IGFBP2: variants seen among roughly 807,000 people sequenced by gnomAD.
IGFBP2 encodes insulin like growth factor binding protein 2.
A neutral mutation model predicts 26.2 loss-of-function variants in IGFBP2; 12 were observed. That is an observed-to-expected ratio of 0.46 (90% CI 0.29 to 0.74). IGFBP2 has a LOEUF of 0.74. Among genes scored for constraint, IGFBP2 ranks in the 30% least tolerant of loss-of-function variants. The probability of loss-of-function intolerance (pLI) is 0.09; values close to 1 mark genes in which losing one functional copy is unlikely to be tolerated. For missense variants in IGFBP2, 328 were observed against 441.2 expected (o/e 0.74, Z 2.30); for synonymous variants, 189 against 200.6 (o/e 0.94, Z 0.49).
At chr2:216,656,097 A>G (rs959148904) in intron 1 of IGFBP2, among the ~76,000 whole-genome samples, 1 of 152,130 alleles carries the variant, frequency 6.6e-6, no homozygotes, top group African/African-American at 2.4e-5. Context: ...TTCAGGCCCG[A>G]ATGCACATTT....
chr2:216,661,859 C>A lies in IGFBP2; in HGVS notation c.674C>A (p.Thr225Asn), dbSNP rs765442396. The A allele has an allele frequency of 2.5e-6, 4 of 1,614,186 alleles. No individual in the cohort carries two copies. The highest frequency in any genetic ancestry group is 3.4e-6 in the Non-Finnish European group (4 of 1,180,030). Residue 225 changes from threonine (T) to asparagine (N), a missense_variant and splice_region_variant, in exon 3 of 4, where the codon ACT (threonine) becomes AAT (asparagine). Thr to Asn is a moderately conservative substitution (Grantham distance 65). Transcript: ENST00000233809. ...GTCCCCTGCTGTCTGTGCGTGCAGA[C>A]TCCCTGCCAACAGGAACTGGACCAG... is the stretch of plus-strand genomic sequence containing the variant. Reference protein sequence around the residue: ...PKKLRPPPARTPCQQELDQVL... With the variant: ...PKKLRPPPARNPCQQELDQVL...
intron 1 of IGFBP2, 60 bp from the exon 2 acceptor site, chr2:216,660,497 G>A: frequency 7.4e-7 from 1 of 1,352,462 alleles, no homozygotes; most frequent in Non-Finnish European, 1.0e-6. Context: ...GTGGCTCCCG[G>A]AGGGCACGTC....
At chr2:216,633,234 G>A (rs1476749799), upstream of IGFBP2, among the ~76,000 whole-genome samples, 2 of 152,162 alleles carry the variant, frequency 1.3e-5, no homozygotes, top group Non-Finnish European at 2.9e-5. Flanking sequence ...GACGGGGCCC[G>A]GGAAGAGCAG....
intron 1 of IGFBP2, among the ~76,000 whole-genome samples, chr2:216,653,593 G>A (rs1161600052): frequency 6.6e-6 from 1 of 152,158 alleles, no homozygotes; most frequent in African/African-American, 2.4e-5. Flanking sequence ...CTGGGCTCAG[G>A]TTTGCCATCT....
At chr2:216,646,985 A>T (rs577641550) in intron 1 of IGFBP2, among the ~76,000 whole-genome samples, 147 of 152,352 alleles carry the variant, frequency 9.6e-4, no homozygotes, top group Middle Eastern at 6.8e-3. Flanking sequence ...CACCTGTAAC[A>T]CATGCTTTTT....
rs892832257 is a variant in IGFBP2, at chr2:216,664,189, T to A, written c.*85T>A. The A allele has an allele frequency of 3.4e-6, 4 of 1,166,952 alleles. No individual in the cohort carries two copies. The highest frequency in any genetic ancestry group is 4.7e-6 in the Non-Finnish European group (4 of 854,744). The allele number at this position is 1,166,952 out of a possible 1,614,324, so 72.3% of individuals were successfully genotyped here. A position where few individuals can be genotyped will look rare whatever the true frequency, so the allele number is the denominator to read the frequency against. On this transcript the variant is annotated 3_prime_UTR_variant, in exon 4 of 4. Coordinates refer to ENST00000233809, the MANE Select transcript of IGFBP2 (RefSeq NM_000597.3). This position sits in a 1 kb window ranked among gnomAD's most constrained non-coding sequence, Gnocchi z 4.6. Reference sequence around the variant, plus strand: ...AAACGGAGAGTGCTTGGGTGGTGGGTGCTGGAGGATTTTCCAGTTCTGACA... The same window carrying A: ...AAACGGAGAGTGCTTGGGTGGTGGGAGCTGGAGGATTTTCCAGTTCTGACA...
At chr2:216,637,039 CA>C (rs35364535) in intron 1 of IGFBP2, among the ~76,000 whole-genome samples, 1 of 149,616 alleles carries the variant, frequency 6.7e-6, no homozygotes, top group South Asian at 2.1e-4. Flanking sequence ...AGTGCAGCTT[CA>C]AAAAAAAAGG....
chr2:216,640,429 T>C (rs774336684), intron 1 of IGFBP2, among the ~76,000 whole-genome samples: 5 of 152,154 alleles, frequency 3.3e-5, no homozygotes, highest in Non-Finnish European at 7.4e-5. Flanking sequence ...GGTAACGTGG[T>C]TGGCAGATAT....
chr2:216,640,021 C>T (rs1028037441), intron 1 of IGFBP2, among the ~76,000 whole-genome samples: 2 of 152,184 alleles, frequency 1.3e-5, no homozygotes, highest in African/African-American at 2.4e-5. Context: ...CCGACTCCCT[C>T]TTCCTCCTCC....
chr2:216,635,902 G>A (rs1697485168), intron 1 of IGFBP2, among the ~76,000 whole-genome samples: 1 of 152,028 alleles, frequency 6.6e-6, no homozygotes, highest in South Asian at 2.1e-4. Context: ...GACGCCTTCC[G>A]CATTTTTGTG....
chr2:216,659,062 G>A (rs1214091603), intron 1 of IGFBP2, among the ~76,000 whole-genome samples: 1 of 152,176 alleles, frequency 6.6e-6, no homozygotes, highest in African/African-American at 2.4e-5. Context: ...TGGGGACGGC[G>A]TGCTGGCTTC....
intron 1 of IGFBP2, among the ~76,000 whole-genome samples, chr2:216,648,862 C>T (rs1302651438): frequency 6.6e-6 from 1 of 152,130 alleles, no homozygotes; most frequent in African/African-American, 2.4e-5. Flanking sequence ...CTGTCTTGGC[C>T]TCCCAAAGTG....
At chr2:216,634,406 C>T (rs771812927) in intron 1 of IGFBP2, among the ~76,000 whole-genome samples, 1 of 152,058 alleles carries the variant, frequency 6.6e-6, no homozygotes, top group South Asian at 2.1e-4. Context: ...CACCAGGAAC[C>T]TTGGAAGAGG....
chr2:216,659,454 G>A (rs533029105), intron 1 of IGFBP2, among the ~76,000 whole-genome samples: 11 of 152,310 alleles, frequency 7.2e-5, no homozygotes. Context: ...GGGTGGGAGG[G>A]TCTGGGGCTG....
At chr2:216,661,445 A>G (rs1574568764) in intron 2 of IGFBP2, 3 of 343,624 alleles carry the variant, frequency 8.7e-6, no homozygotes, top group Non-Finnish European at 1.7e-5. Flanking sequence ...TCACTGAGCT[A>G]CCCCTCCCCT....
At chr2:216,639,719 G>A (rs754549193) in intron 1 of IGFBP2, among the ~76,000 whole-genome samples, 5 of 151,760 alleles carry the variant, frequency 3.3e-5, no homozygotes, top group East Asian at 3.9e-4. Context: ...CTCGGTTCAC[G>A]GCAACCTCTG....
At chr2:216,648,501 C>G (rs954667641) in intron 1 of IGFBP2, among the ~76,000 whole-genome samples, 4 of 152,190 alleles carry the variant, frequency 2.6e-5, no homozygotes, top group African/African-American at 9.7e-5. Flanking sequence ...CGCCATGTCA[C>G]TATCGTTTGG....
chr2:216,644,880 AT>A (rs1467024174), intron 1 of IGFBP2, among the ~76,000 whole-genome samples: 3 of 152,222 alleles, frequency 2.0e-5, no homozygotes, highest in African/African-American at 7.2e-5. Context: ...GGGTCTCTAG[AT>A]TCTTCCAGCT....
chr2:216,660,363 CA>C (rs2106206506), intron 1 of IGFBP2, among the ~76,000 whole-genome samples, 193 bp from the exon 2 acceptor site: 1 of 152,230 alleles, frequency 6.6e-6, no homozygotes, highest in African/African-American at 2.4e-5. Context: ...TAGTAGTACC[CA>C]CCTAAGAGTT....
Sources: allele counts gnomAD v4.1 joint callset (sites outside exome capture counted in the v4.1 genomes callset), GRCh38; gene constraint gnomAD v4.1.1; non-coding constraint Gnocchi (gnomAD v3.1); transcripts MANE v1.5; gene names NCBI Gene and HGNC (gene_info 2026-07-23, HGNC 2026-07-21).